Variants in REPS2 observed in about 807,000 individuals in gnomAD.
REPS2 encodes RALBP1 associated Eps domain containing 2, also known as ralBP1-associated Eps domain-containing protein 2.
A neutral mutation model predicts 53.6 loss-of-function variants in REPS2; 23 were observed. The observed-to-expected ratio is 0.43, with a 90% CI of 0.31 to 0.61. REPS2 has a LOEUF of 0.61. Ranked by LOEUF, REPS2 falls within the 20% of genes least tolerant of loss-of-function variation. The pLI is 0.11. For missense variants in REPS2, 446 were observed against 534.9 expected (o/e 0.83, Z 1.64); for synonymous variants, 238 against 218.6 (o/e 1.09, Z -0.78).
At position 17,148,678 on chromosome X, in the gene REPS2, C is replaced by A; in HGVS notation, c.*1197C>A. ...AGCTCAAATTGCAGAAGCCAGTATC[C>A]TACAGAAATTTAAGTAGCTACTGCT... On this transcript the variant is annotated 3_prime_UTR_variant, in exon 18 of 18. Transcript: ENST00000357277. 1 of 184,226 alleles carries A rather than the reference C, an allele frequency of 5.4e-6. No homozygotes were observed. Among genetic ancestry groups the A allele is most frequent in the Non-Finnish European group, 1.0e-5 (1 of 97,023 alleles). The allele number at this position is 184,226 out of a possible 1,213,427, so 15.2% of individuals were successfully genotyped here. A position where few individuals can be genotyped will look rare whatever the true frequency, so the allele number is the denominator to read the frequency against.
chrX:17,110,829 C>A (rs2062958844), intron 14 of REPS2, among the ~76,000 whole-genome samples: 1 of 111,280 alleles, frequency 9.0e-6, no homozygotes, highest in Admixed American at 9.5e-5. Flanking sequence ...GCCTGACCAA[C>A]ATGGTGAAAC....
the REPS2 span, among the ~76,000 whole-genome samples, chrX:17,185,844 T>C: frequency 5.4e-5 from 6 of 111,745 alleles, no homozygotes; most frequent in Admixed American, 4.7e-4. Flanking sequence ...AAGGTCAGCA[T>C]GAAGCGAGTG....
At chrX:17,030,314 GGTGTGTGTGTGT>G (rs3222673) in intron 5 of REPS2, among the ~76,000 whole-genome samples, 3 of 101,911 alleles carry the variant, frequency 2.9e-5, no homozygotes, top group Middle Eastern at 5.0e-3. Flanking sequence ...CTCAAAGAAG[GGTGTGTGTGTGT>G]GTGTGTGTGT....
chrX:17,162,396 T>A, the REPS2 span, among the ~76,000 whole-genome samples: 1 of 112,705 alleles, frequency 8.9e-6, no homozygotes, highest in East Asian at 2.8e-4. Context: ...GGGAATGAGA[T>A]GTTCATAGAT....
chrX:17,102,969 A>G (rs1325402767), intron 13 of REPS2, among the ~76,000 whole-genome samples: 2 of 112,368 alleles, frequency 1.8e-5, no homozygotes, highest in Admixed American at 9.4e-5. Flanking sequence ...AACTTTATTT[A>G]TAATTTCATA....
intron 1 of REPS2, among the ~76,000 whole-genome samples, chrX:16,951,546 CACACACACACA>C (rs2060509230): frequency 1.9e-4 from 7 of 36,205 alleles, no homozygotes; most frequent in East Asian, 2.8e-3. Flanking sequence ...CACACACACA[CACACACACACA>C]CACCCCCGCT....
At chrX:16,947,288 C>G (rs2147578324) in intron 1 of REPS2, among the ~76,000 whole-genome samples, 154 bp downstream of exon 1, 1 of 112,462 alleles carries the variant, frequency 8.9e-6, no homozygotes, top group South Asian at 3.7e-4. Context: ...GCGGCGACGC[C>G]CTTGTCCCCG....
In REPS2 at chrX:17,100,759, A is replaced by G. The variant is rs143172835; in HGVS notation, c.1517-2959A>G. 5.8e-4 allele frequency among the ~76,000 whole-genome samples: 65 copies of G among 111,876 alleles called. 1 individual carries two copies. The highest frequency in any genetic ancestry group is 2.1e-3 in the African/African-American group (65 of 30,829). Reference sequence around the variant, plus strand: ...TAAAAAACGTGGCAAAGGTACTGAAAAGAGGAAACAAAGCTGCTCTTAGTA... The same window carrying G: ...TAAAAAACGTGGCAAAGGTACTGAAGAGAGGAAACAAAGCTGCTCTTAGTA... On this transcript the variant is annotated intron_variant, in intron 13 of 17. Coordinates refer to ENST00000357277, the MANE Select transcript of REPS2 (RefSeq NM_004726.3).
At chrX:17,029,449 A>G in intron 4 of REPS2, 77 bp from the exon 5 acceptor site, 1 of 677,635 alleles carries the variant, frequency 1.5e-6, no homozygotes, top group South Asian at 2.4e-5. Context: ...CAGATGCTGT[A>G]TCAGTTTGAA....
At position 17,126,344 on chromosome X, in the gene REPS2, T is replaced by C. The variant is rs757726570; in HGVS notation, c.1579-7480T>C. ...TGCCAACCACAGTGGAGAATGCACC[T>C]CCCCAAGGGTTAGGTGTGGAATATG... is the stretch of plus-strand genomic sequence containing the variant. On this transcript the variant is annotated intron_variant, in intron 14 of 17. Transcript: ENST00000357277. Among the ~76,000 whole-genome samples the C allele has an allele frequency of 5.4e-5, 6 of 111,549 alleles. No homozygotes were observed. The East Asian group carries it at 1.4e-3, about 27-fold the overall frequency.
intron 1 of REPS2, among the ~76,000 whole-genome samples, chrX:16,980,847 A>G (rs1246300870): frequency 8.9e-6 from 1 of 112,254 alleles, no homozygotes; most frequent in Non-Finnish European, 1.9e-5. Context: ...GATTAGAAGC[A>G]CTATCATATG....
chrX:16,981,922 C>T (rs2061023522), intron 1 of REPS2, among the ~76,000 whole-genome samples: 1 of 111,091 alleles, frequency 9.0e-6, no homozygotes, highest in Admixed American at 9.6e-5. Context: ...CACTTATTAC[C>T]CCCAACAAGA....
intron 8 of REPS2, among the ~76,000 whole-genome samples, chrX:17,061,089 A>G (rs1326466319): frequency 8.9e-6 from 1 of 111,751 alleles, no homozygotes. Context: ...ATGATAAAGC[A>G]TCAGTCATAT....
chrX:17,155,271 T>C (rs190192337), downstream of REPS2, among the ~76,000 whole-genome samples: 1 of 111,285 alleles, frequency 9.0e-6, no homozygotes, highest in Non-Finnish European at 1.9e-5. Flanking sequence ...GAGCTGAGTA[T>C]GCTAGCTCAG....
chrX:16,968,317 C>T (rs1333330910), intron 1 of REPS2, among the ~76,000 whole-genome samples: 3 of 112,663 alleles, frequency 2.7e-5, no homozygotes, highest in African/African-American at 6.4e-5. Context: ...TCCACAAAAC[C>T]GCCATTGTCA....
chrX:17,145,465 C>A (rs2063500446), intron 17 of REPS2, among the ~76,000 whole-genome samples: 1 of 111,312 alleles, frequency 9.0e-6, no homozygotes, highest in African/African-American at 3.3e-5. Flanking sequence ...CCTTGAAATA[C>A]TCATTTCTTA....
At chrX:17,000,628 A>C (rs984984780) in intron 1 of REPS2, among the ~76,000 whole-genome samples, 4 of 112,266 alleles carry the variant, frequency 3.6e-5, no homozygotes, top group African/African-American at 1.3e-4. Flanking sequence ...CAAGAAACAG[A>C]ATCAAAGATA....
intron 9 of REPS2, among the ~76,000 whole-genome samples, chrX:17,065,855 G>T (rs2062218621): frequency 9.0e-6 from 1 of 111,717 alleles, no homozygotes; most frequent in Non-Finnish European, 1.9e-5. Flanking sequence ...ATAGTGCTGG[G>T]ATTACAGGCG....
At chrX:17,145,847 C>T (rs755336801) in intron 17 of REPS2, among the ~76,000 whole-genome samples, 7 of 112,009 alleles carry the variant, frequency 6.2e-5, no homozygotes, top group Non-Finnish European at 1.3e-4. Flanking sequence ...CAGTGGCCCA[C>T]GCCTGTAATC....
Sources: allele counts gnomAD v4.1 joint callset (sites outside exome capture counted in the v4.1 genomes callset), GRCh38; gene constraint gnomAD v4.1.1; transcripts MANE v1.5; gene names NCBI Gene and HGNC (gene_info 2026-07-23, HGNC 2026-07-21).